Variants in CIC observed in about 807,000 individuals in gnomAD.
CIC encodes capicua transcriptional repressor.
CIC carries 18 observed loss-of-function variants against 115.7 expected under a neutral mutation model. The ratio of observed to expected loss-of-function variants is 0.16; its 90% CI spans 0.11 to 0.23. The LOEUF (loss-of-function observed/expected upper bound fraction) is 0.23. Among genes scored for constraint, CIC ranks in the 10% least tolerant of loss-of-function variants. The pLI is 1.00. For missense variants in CIC, 2,000 were observed against 2,159.3 expected (o/e 0.93, Z 1.46); for synonymous variants, 1,076 against 923.0 (o/e 1.17, Z -3.01).
Position 42,293,653 on chromosome 19 carries a change from G to T in CIC, c.6584G>T (p.Arg2195Leu). Residue 2195 changes from arginine to leucine, a missense_variant, in exon 17 of 21, where the codon CGT (arginine) becomes CTT (leucine). Arg to Leu is a moderately radical substitution (Grantham distance 102, BLOSUM62 -2). Transcript: ENST00000681038. ...WRVPGQGLEN[R>L]GEPPTPPSPA... ...GTCCCTGGGCAGGGCCTGGAGAATC[G>T]TGGGGAGCCTCCCACTCCTCCCAGC... 1 of 1,613,136 alleles carries T rather than the reference G, an allele frequency of 6.2e-7. No individual in the cohort carries two copies. Among genetic ancestry groups the T allele is most frequent in the Non-Finnish European group, 8.5e-7 (1 of 1,179,860 alleles).
In CIC at chr19:42,291,631, G is replaced by T. The variant is rs150101863; in HGVS notation, c.5499G>T (p.Val1833=). Residue 1833 remains valine, a synonymous_variant, in exon 12 of 21, where the codon GTG becomes GTT. Transcript: ENST00000681038. ...SAQLLPGKVL[V]PLAAPSMSVR... ...AGCTGCTGCCTGGGAAGGTCCTAGT[G>T]CCTCTGGCCGCCCCTAGCATGTCAG... 7.4e-6 allele frequency: 12 copies of T among 1,612,846 alleles called. No individual in the cohort carries two copies. The African/African-American group carries it at 1.2e-4, about 16-fold the overall frequency.
intron 2 of CIC, among the ~76,000 whole-genome samples, chr19:42,283,535 C>G (rs536988941): frequency 6.6e-6 from 1 of 152,042 alleles, no homozygotes; most frequent in African/African-American, 2.4e-5. Context: ...GGGTGTGGCA[C>G]GAAAGTGTGT....
rs951381435 is a variant in CIC at position 42,289,375 on chromosome 19, C to T, written c.4056C>T (p.Ile1352=). 5.0e-6 allele frequency: 8 copies of T among 1,606,490 alleles called. No homozygotes were observed. The African/African-American group carries it at 5.4e-5, about 11-fold the overall frequency. Residue 1352 remains isoleucine, a synonymous_variant, in exon 9 of 21, where the codon ATC becomes ATT. Coordinates refer to ENST00000681038, the MANE Select transcript of CIC (RefSeq NM_001386298.1). ...DMTSDEERMV[I]CEEEGDDDVI... is the part of the protein sequence containing the mutation. ...CGAGTGATGAGGAGCGCATGGTCAT[C>T]TGTGAGGAGGAAGGGGATGATGATG...
rs537873397 is a variant in CIC, at chr19:42,270,881, G to A, written c.-10-893G>A. Reference sequence around the variant, plus strand: ...TGTGCGCGTGCGTGTGCTCATGCACGGCCCCGTGGCAGTGCTGGGTATGAG... The same window carrying A: ...TGTGCGCGTGCGTGTGCTCATGCACAGCCCCGTGGCAGTGCTGGGTATGAG... On this transcript the variant is annotated intron_variant, in intron 1 of 20. Coordinates refer to ENST00000681038, the MANE Select transcript of CIC (RefSeq NM_001386298.1). This position sits in a 1 kb window ranked among gnomAD's most constrained non-coding sequence, Gnocchi z 4.1. 2.6e-5 allele frequency among the ~76,000 whole-genome samples: 4 copies of A among 152,300 alleles called. No homozygotes were observed. Among genetic ancestry groups the A allele is most frequent in the South Asian group, 2.1e-4 (1 of 4,828 alleles).
In CIC at chr19:42,295,099, C is replaced by G. The variant is rs1339298135; in HGVS notation, c.7462C>G (p.Pro2488Ala). 1.3e-6 allele frequency: 2 copies of G among 1,527,170 alleles called. No homozygotes were observed. Among genetic ancestry groups the G allele is most frequent in the East Asian group, 2.5e-5 (1 of 40,812 alleles). The allele number at this position is 1,527,170 out of a possible 1,614,324, so 94.6% of individuals were successfully genotyped here. Residue 2488 changes from proline to alanine, a missense_variant, in exon 21 of 21, where the codon CCA (proline) becomes GCA (alanine). Around this residue, in one of 8 missense-constraint regions of CIC, gnomAD observed 133 missense variants for 116.0 expected, o/e 1.15. Transcript: ENST00000681038. The part of the protein sequence containing the change: ...AQAAPPLPPP[P>A]ESGPGQPGWE... ...GGCTGCCCCGCCACTGCCTCCACCC[C>G]CAGAGTCGGGGCCTGGACAGCCTGG...
intron 2 of CIC, 28 bp downstream of exon 2, chr19:42,274,605 C>T (rs2036898804): frequency 2.5e-6 from 1 of 398,686 alleles, no homozygotes; most frequent in Admixed American, 4.4e-5. Flanking sequence ...ATGGGCTGCG[C>T]CAGGCTCACC....
At chr19:42,271,008 C>T (rs1413688534) in intron 1 of CIC, among the ~76,000 whole-genome samples, 2 of 133,512 alleles carry the variant, frequency 1.5e-5, no homozygotes, top group Non-Finnish European at 3.1e-5. Context: ...AGCCGTCCCT[C>T]GGGACTCTCA....
Position 42,270,493 on chromosome 19 carries a change from T to C in CIC, c.-11+1112T>C, listed in dbSNP as rs1568483484. ...CTTCAGAGTAAAGTTTTTTCCCCTT[T>C]TCTTTTCTCAGGGCAGCTCGAAAGG... On this transcript the variant is annotated intron_variant, in intron 1 of 20. Transcript: ENST00000681038. This position sits in a 1 kb window ranked among gnomAD's most constrained non-coding sequence, Gnocchi z 4.1. Among the ~76,000 whole-genome samples the C allele has an allele frequency of 6.6e-6, 1 of 152,240 alleles. No homozygotes were observed. Among genetic ancestry groups the C allele is most frequent in the Non-Finnish European group, 1.5e-5 (1 of 68,044 alleles).
Position 42,288,941 on chromosome 19 carries a change from A to G in CIC, c.3712A>G (p.Lys1238Glu). 1 of 1,614,106 alleles carries G rather than the reference A, an allele frequency of 6.2e-7. No homozygotes were observed. Among genetic ancestry groups the G allele is most frequent in the Non-Finnish European group, 8.5e-7 (1 of 1,180,030 alleles). ...AAQTLLSSDT[K>E]APGSSSCGAE... is the part of the protein sequence containing the mutation. ...CCAGACACTCCTGAGCTCAGACACCAAGGCTCCGGGGAGCAGCTCCTGTGG... is the reference window on the plus strand; with the variant it reads ...CCAGACACTCCTGAGCTCAGACACCGAGGCTCCGGGGAGCAGCTCCTGTGG... Residue 1238 changes from lysine (K) to glutamate (E), a missense_variant, in exon 8 of 21, where the codon AAG (lysine) becomes GAG (glutamate). Lys to Glu is a moderately conservative substitution (Grantham distance 56). Transcript: ENST00000681038.
At position 42,295,008 on chromosome 19, in the gene CIC, C is replaced by T. The variant is rs1287894501; in HGVS notation, c.7371C>T (p.Ala2457=). Residue 2457 remains alanine, a synonymous_variant, in exon 21 of 21, where the codon GCC becomes GCT. Transcript: ENST00000681038. ...CCACTGGCACCGCTGCTGCCCCTGCCCCCACTCCCAGCCCCGCAGGGGGCC... is the reference window on the plus strand; with the variant it reads ...CCACTGGCACCGCTGCTGCCCCTGCTCCCACTCCCAGCCCCGCAGGGGGCC... ...PPPTGTAAAP[A]PTPSPAGGPD... The T allele has an allele frequency of 1.3e-6, 2 of 1,594,624 alleles. No individual in the cohort carries two copies. Among genetic ancestry groups the T allele is most frequent in the East Asian group, 4.5e-5 (2 of 44,672 alleles).
At position 42,272,477 on chromosome 19, in the gene CIC, G is replaced by T. The variant is rs1006476018; in HGVS notation, c.694G>T (p.Val232Leu). Residue 232 changes from valine to leucine, a missense_variant, in exon 2 of 21, where the codon GTG becomes TTG. Physicochemically the swap from Val to Leu is conservative, Grantham distance 32. Coordinates refer to ENST00000681038, the MANE Select transcript of CIC (RefSeq NM_001386298.1). ...GGTGCGCCGAAGCCAGGACCTGGGCGTGCAGTTCCCTGGTGACCGAGCCCT... is the reference window on the plus strand; with the variant it reads ...GGTGCGCCGAAGCCAGGACCTGGGCTTGCAGTTCCCTGGTGACCGAGCCCT... Reference protein sequence around the residue: ...RQVRRSQDLGVQFPGDRALTF... With the variant: ...RQVRRSQDLGLQFPGDRALTF... 6 of 398,440 alleles carry T rather than the reference G, an allele frequency of 1.5e-5. No homozygotes were observed. The East Asian group carries it at 2.1e-4, about 14-fold the overall frequency. 24.7% of individuals were successfully genotyped at this position (398,440 alleles called of 1,614,324 possible).
intron 2 of CIC, among the ~76,000 whole-genome samples, chr19:42,282,433 G>A (rs2037300759): frequency 6.6e-6 from 1 of 152,210 alleles, no homozygotes; most frequent in African/African-American, 2.4e-5. Context: ...CCCCAGTCCT[G>A]TGCCTTTACT....
In CIC at chr19:42,291,643, C is replaced by T. The variant is rs764736021; in HGVS notation, c.5511C>T (p.Ala1837=). The part of the protein sequence containing the change: ...LPGKVLVPLA[A]PSMSVRGGGA... ...GGAAGGTCCTAGTGCCTCTGGCCGC[C>T]CCTAGCATGTCAGTGCGGGGTGGAG... Residue 1837 remains alanine, a synonymous_variant, in exon 12 of 21, where the codon GCC becomes GCT. Transcript: ENST00000681038. 7 of 1,612,918 alleles carry T rather than the reference C, an allele frequency of 4.3e-6. No individual in the cohort carries two copies. The South Asian group carries it at 5.5e-5, about 13-fold the overall frequency.
In CIC at chr19:42,291,200, T is replaced by G; in HGVS notation, c.5159T>G (p.Leu1720Arg). 1 of 1,610,234 alleles carries G rather than the reference T, an allele frequency of 6.2e-7. No homozygotes were observed. The highest frequency in any genetic ancestry group is 8.5e-7 in the Non-Finnish European group (1 of 1,178,360). The change falls in exon 11 of 21, where the codon CTG becomes CGG. Residue 1720 changes from leucine to arginine, a missense_variant. By Grantham distance (102) the Leu-to-Arg change is moderately radical. This residue lies in a region of CIC where 1,466 missense variants were observed against 1,390.4 expected (regional missense o/e 1.05). Transcript: ENST00000681038. ...AATGGGCCAGTACCCCTGGGCATCC[T>G]GCAACCAGGTGCCCTGGGCAAGGCT... is the stretch of plus-strand genomic sequence containing the variant. Reference protein sequence around the residue: ...GPNGPVPLGILQPGALGKAGG... With the variant: ...GPNGPVPLGIRQPGALGKAGG...
At chr19:42,286,630 G>A in intron 2 of CIC, 141 bp from the exon 3 acceptor site, 1 of 1,010,300 alleles carries the variant, frequency 9.9e-7, no homozygotes, top group African/African-American at 1.6e-5. Flanking sequence ...ACGTTGCATG[G>A]ACGAGTCCAA....
Position 42,287,840 on chromosome 19 carries a change from G to C in CIC, c.3523G>C (p.Asp1175His). 1 of 1,613,766 alleles carries C rather than the reference G, an allele frequency of 6.2e-7. No individual in the cohort carries two copies. The highest frequency in any genetic ancestry group is 8.5e-7 in the Non-Finnish European group (1 of 1,179,822). The change falls in exon 7 of 21, where the codon GAT (aspartate) becomes CAT (histidine). Residue 1175 changes from aspartate to histidine, a missense_variant. Physicochemically the swap from Asp to His is moderately conservative, Grantham distance 81. Transcript: ENST00000681038. The surrounding 1 kb of genome is among the most constrained non-coding windows in gnomAD (Gnocchi z 8.7). ...GGAGGCCCACTTCAAGGCCCACCCAGATTGGAAGTGGTGCAACAAGGACCG... is the reference window on the plus strand; with the variant it reads ...GGAGGCCCACTTCAAGGCCCACCCACATTGGAAGTGGTGCAACAAGGACCG... Reference protein sequence around the residue: ...VKEAHFKAHPDWKWCNKDRKK... With the variant: ...VKEAHFKAHPHWKWCNKDRKK...
Position 42,294,640 on chromosome 19 carries a change from A to G in CIC, c.7091A>G (p.Tyr2364Cys). 6.2e-7 allele frequency: 1 copy of G among 1,613,678 alleles called. No individual in the cohort carries two copies. The highest frequency in any genetic ancestry group is 8.5e-7 in the Non-Finnish European group (1 of 1,179,960). Residue 2364 changes from tyrosine to cysteine, a missense_variant, in exon 20 of 21, where the codon TAT becomes TGT. Physicochemically the swap from Tyr to Cys is radical, Grantham distance 194 (BLOSUM62 -2). Coordinates refer to ENST00000681038, the MANE Select transcript of CIC (RefSeq NM_001386298.1). ...EAEDVLGELE[Y>C]DKVPYSSLRR... Reference sequence around the variant, plus strand: ...GAGGACGTGCTTGGGGAGCTAGAGTATGACAAGGTGCCATACTCCTCCCTG... The same window carrying G: ...GAGGACGTGCTTGGGGAGCTAGAGTGTGACAAGGTGCCATACTCCTCCCTG...
chr19:42,283,972 G>T (rs1378399642), intron 2 of CIC: 25 of 150,486 alleles, frequency 1.7e-4, no homozygotes, highest in Admixed American at 9.9e-4. Context: ...CTCACGCGCG[G>T]GGGGCCGGGC....
In CIC at chr19:42,290,759, T is replaced by C; in HGVS notation, c.4718T>C (p.Leu1573Pro). ...GCCTATGGGGCCCCAGCAGCTCCCC[T>C]GTCCCGTCCTGCCGCCACCATGGTC... ...SLAYGAPAAPLSRPAATMVTN... is the reference protein window; with the variant it reads ...SLAYGAPAAPPSRPAATMVTN... Residue 1573 changes from leucine (L) to proline (P), a missense_variant, in exon 11 of 21, where the codon CTG (leucine) becomes CCG (proline). Leu to Pro is a moderately conservative substitution (Grantham distance 98). Coordinates refer to ENST00000681038, the MANE Select transcript of CIC (RefSeq NM_001386298.1). 1 of 1,612,042 alleles carries C rather than the reference T, an allele frequency of 6.2e-7. No individual in the cohort carries two copies. Among genetic ancestry groups the C allele is most frequent in the Middle Eastern group, 1.7e-4 (1 of 6,052 alleles).
Sources: gnomAD v4.1 joint callset for allele counts (sites outside exome capture counted in the v4.1 genomes callset) on GRCh38, gnomAD v4.1.1 for gene constraint, gnomAD v4.1.1 regional missense constraint, Gnocchi (gnomAD v3.1) non-coding constraint, MANE v1.5 for transcripts, NCBI Gene and HGNC (gene_info 2026-07-23, HGNC 2026-07-21) for gene names.